The following SCFD1 variants were observed in gnomAD, a reference collection of about 807,000 sequenced individuals.
SCFD1 encodes sec1 family domain containing 1, also known as sec1 family domain-containing protein 1.
SCFD1 carries 37 observed loss-of-function variants against 103.2 expected under a neutral mutation model. That is an observed-to-expected ratio of 0.36 (90% CI 0.28 to 0.47). SCFD1 has a LOEUF of 0.47. Ranked by LOEUF, SCFD1 falls within the 20% of genes least tolerant of loss-of-function variation. The pLI, the probability that SCFD1 is intolerant of heterozygous loss-of-function variation, is 1.00. For synonymous variants in SCFD1, 264 were observed against 245.0 expected (o/e 1.08, Z -0.73); for missense variants, 639 against 761.2 (o/e 0.84, Z 1.89).
intron 21 of SCFD1, among the ~76,000 whole-genome samples, chr14:30,721,480 T>C (rs543909209): frequency 1.3e-5 from 2 of 151,650 alleles, no homozygotes; most frequent in South Asian, 2.1e-4. Context: ...CATGTATTTA[T>C]ATAGTTTTTC....
chr14:30,716,799 C>G (rs969407034), intron 20 of SCFD1, among the ~76,000 whole-genome samples: 1 of 151,984 alleles, frequency 6.6e-6, no homozygotes, highest in Non-Finnish European at 1.5e-5. Flanking sequence ...AAGAAACTAA[C>G]AAATTTTAAA....
At chr14:30,730,729 C>G (rs1257645366) in intron 23 of SCFD1, among the ~76,000 whole-genome samples, 1 of 152,070 alleles carries the variant, frequency 6.6e-6, no homozygotes, top group African/African-American at 2.4e-5. Context: ...AAGTTGAGTT[C>G]TTTGTAGATT....
At chr14:30,668,127 C>A (rs1888186004) in intron 10 of SCFD1, among the ~76,000 whole-genome samples, 1 of 152,186 alleles carries the variant, frequency 6.6e-6, no homozygotes, top group African/African-American at 2.4e-5. Context: ...CTGGAGGCAT[C>A]ACACTACCTG....
intron 10 of SCFD1, among the ~76,000 whole-genome samples, chr14:30,664,313 G>A (rs1400622453): frequency 3.9e-5 from 6 of 152,080 alleles, no homozygotes; most frequent in Admixed American, 3.9e-4. Context: ...TGAAGGACCT[G>A]TTAGAAGGAA....
chr14:30,657,172 T>C (rs1041474807), intron 10 of SCFD1, among the ~76,000 whole-genome samples: 1 of 151,934 alleles, frequency 6.6e-6, no homozygotes, highest in Non-Finnish European at 1.5e-5. Flanking sequence ...TCTTGAACTT[T>C]AAGAGTCCCT....
At chr14:30,722,323 C>G (rs1210919890) in intron 22 of SCFD1, among the ~76,000 whole-genome samples, 171 bp from the exon 23 acceptor site, 2 of 152,006 alleles carry the variant, frequency 1.3e-5, no homozygotes, top group Non-Finnish European at 2.9e-5. Context: ...TCATACTACT[C>G]AAGAGACATT....
intron 5 of SCFD1, among the ~76,000 whole-genome samples, chr14:30,638,923 A>C (rs958026813): frequency 6.6e-6 from 1 of 152,216 alleles, no homozygotes; most frequent in Non-Finnish European, 1.5e-5. Flanking sequence ...TATACTTTCT[A>C]TTCTTTTTCT....
At chr14:30,650,695 T>C in intron 9 of SCFD1, 45 bp downstream of exon 9, 2 of 1,178,726 alleles carry the variant, frequency 1.7e-6, no homozygotes, top group African/African-American at 3.1e-5. Context: ...AAAATATTTG[T>C]AGAGTTTTTT....
At chr14:30,652,399 G>A (rs970726587) in intron 9 of SCFD1, 1 of 151,994 alleles carries the variant, frequency 6.6e-6, no homozygotes, top group Admixed American at 6.6e-5. Context: ...CTGTTAAGGG[G>A]ATAATAATAT....
chr14:30,671,777 G>C (rs1888564287), intron 11 of SCFD1, among the ~76,000 whole-genome samples: 2 of 152,106 alleles, frequency 1.3e-5, no homozygotes, highest in Admixed American at 1.3e-4. Context: ...TCAGAAGGTT[G>C]TTGAGAAGAT....
At chr14:30,728,356 CCTG>C (rs571373520) in intron 23 of SCFD1, among the ~76,000 whole-genome samples, 116 of 152,264 alleles carry the variant, frequency 7.6e-4, no homozygotes, top group African/African-American at 2.6e-3. Context: ...TTGAACTGCA[CCTG>C]CAGTAAAGTG....
chr14:30,632,888 T>C (rs1884321422), intron 3 of SCFD1, among the ~76,000 whole-genome samples: 1 of 152,336 alleles, frequency 6.6e-6, no homozygotes, highest in South Asian at 2.1e-4. Flanking sequence ...TCTACCAGTT[T>C]GAGAGTCTCG....
upstream of SCFD1, chr14:30,622,271 G>T (rs1882893869): frequency 6.3e-7 from 1 of 1,580,756 alleles, no homozygotes; most frequent in Non-Finnish European, 8.6e-7. Context: ...TGCTTCCGGG[G>T]CGGTAAGGGC....
intron 14 of SCFD1, among the ~76,000 whole-genome samples, chr14:30,694,262 T>C (rs947718513): frequency 6.6e-6 from 1 of 152,230 alleles, no homozygotes; most frequent in African/African-American, 2.4e-5. Flanking sequence ...TTTGCTAATA[T>C]ATGTACGTTA....
At chr14:30,697,510 C>T (rs527303717) in intron 15 of SCFD1, among the ~76,000 whole-genome samples, 4 of 152,184 alleles carry the variant, frequency 2.6e-5, no homozygotes, top group South Asian at 2.1e-4. Context: ...GAAAAAGTAA[C>T]GGTGCGGTGG....
At chr14:30,730,483 A>T (rs1893375542) in intron 23 of SCFD1, among the ~76,000 whole-genome samples, 1 of 152,176 alleles carries the variant, frequency 6.6e-6, no homozygotes, top group South Asian at 2.1e-4. Context: ...CAACAGTGTA[A>T]AAGTGTTCCT....
chr14:30,633,970 C>G lies in SCFD1; in HGVS notation c.245C>G (p.Pro82Arg). 1.9e-6 allele frequency: 3 copies of G among 1,601,262 alleles called. No homozygotes were observed. The highest frequency in any genetic ancestry group is 2.6e-6 in the Non-Finnish European group (3 of 1,171,740). The change falls in exon 4 of 25, where the codon CCT becomes CGT. Residue 82 changes from proline (P) to arginine (R), a missense_variant. Physicochemically the swap from Pro to Arg is moderately radical, Grantham distance 103. Coordinates refer to ENST00000458591, the MANE Select transcript of SCFD1 (RefSeq NM_016106.4). Reference protein sequence around the residue: ...LHLLLHSDRDPIPDVPAVYFV... With the variant: ...LHLLLHSDRDRIPDVPAVYFV... Reference sequence around the variant, plus strand: ...AGGCTTTTACACTCTGATCGAGATCCTATTCCAGATGTTCCTGCAGTATAC... The same window carrying G: ...AGGCTTTTACACTCTGATCGAGATCGTATTCCAGATGTTCCTGCAGTATAC...
At chr14:30,734,928 A>G in intron 24 of SCFD1, 70 bp downstream of exon 24, 1 of 1,311,004 alleles carries the variant, frequency 7.6e-7, no homozygotes, top group Non-Finnish European at 1.1e-6. Flanking sequence ...TTCAAAAGAG[A>G]GAAAGAAAAC....
At chr14:30,693,676 A>G (rs1201416410) in intron 14 of SCFD1, among the ~76,000 whole-genome samples, 3 of 152,206 alleles carry the variant, frequency 2.0e-5, no homozygotes, top group Non-Finnish European at 4.4e-5. Context: ...GCCTTTTAGC[A>G]TAATGTATTT....
Sources: gnomAD v4.1 joint callset for allele counts (sites outside exome capture counted in the v4.1 genomes callset) on GRCh38, gnomAD v4.1.1 for gene constraint, MANE v1.5 for transcripts, NCBI Gene and HGNC (gene_info 2026-07-23, HGNC 2026-07-21) for gene names.